CYP7B1: variants seen among roughly 807,000 people sequenced by gnomAD.
CYP7B1 encodes the protein cytochrome P450 family 7 subfamily B member 1.
Under a neutral mutation model 42.7 loss-of-function variants are expected in CYP7B1, and 29 were observed. The ratio of observed to expected loss-of-function variants is 0.68; its 90% CI spans 0.51 to 0.93. CYP7B1 has a LOEUF of 0.93. CYP7B1 is among the 40% of genes least tolerant of loss of function. The pLI, the probability that CYP7B1 is intolerant of heterozygous loss-of-function variation, is 0.00. For synonymous variants in CYP7B1, 235 were observed against 218.2 expected, an observed-to-expected ratio of 1.08 and a Z score of -0.68; for missense variants, 655 against 600.5, an observed-to-expected ratio of 1.09 and a Z score of -0.95.
chr8:64,762,888 G>T (rs1283617041), intron 1 of CYP7B1, among the ~76,000 whole-genome samples: 1 of 152,186 alleles, frequency 6.6e-6, no homozygotes, highest in Non-Finnish European at 1.5e-5. Flanking sequence ...CTAATCAGTA[G>T]ATAAATAGGT....
chr8:64,720,229 TAAAA>T (rs1347559992), intron 1 of CYP7B1, among the ~76,000 whole-genome samples: 1 of 152,034 alleles, frequency 6.6e-6, no homozygotes, highest in African/African-American at 2.4e-5. Context: ...AAAGCTGAAT[TAAAA>T]AAAGACGATG....
chr8:64,673,281 T>C (rs1285038877), intron 1 of CYP7B1, among the ~76,000 whole-genome samples: 1 of 152,180 alleles, frequency 6.6e-6, no homozygotes, highest in Admixed American at 6.5e-5. Flanking sequence ...CAAATTCCCC[T>C]TGGCCTTCAG....
At chr8:64,720,686 A>G (rs1807222719) in intron 1 of CYP7B1, among the ~76,000 whole-genome samples, 1 of 152,214 alleles carries the variant, frequency 6.6e-6, no homozygotes, top group South Asian at 2.1e-4. Context: ...AAATGTATAT[A>G]CCATGTGCAT....
chr8:64,721,052 C>T (rs1414958692), intron 1 of CYP7B1, among the ~76,000 whole-genome samples: 5 of 150,008 alleles, frequency 3.3e-5, no homozygotes, highest in Non-Finnish European at 5.9e-5. Flanking sequence ...AATCAAACAT[C>T]ATCACAAATG....
At chr8:64,687,449 G>GT (rs1806672687) in intron 1 of CYP7B1, among the ~76,000 whole-genome samples, 2 of 152,090 alleles carry the variant, frequency 1.3e-5, no homozygotes, top group Non-Finnish European at 2.9e-5. Context: ...TGCCAACAGA[G>GT]TTTTTTCTGG....
In CYP7B1 at chr8:64,690,268, T is replaced by A. The variant is rs1806718920; in HGVS notation, c.123-65729A>T. On this transcript the variant is annotated intron_variant, in intron 1 of 5. Coordinates refer to ENST00000310193, the MANE Select transcript of CYP7B1 (RefSeq NM_004820.5). ...AATTACAAAAATTAATCTGGCATGGTGATGCATGCCTGTGGTTCTAGCTAC... is the reference window on the plus strand; with the variant it reads ...AATTACAAAAATTAATCTGGCATGGAGATGCATGCCTGTGGTTCTAGCTAC... Among the ~76,000 whole-genome samples the A allele has an allele frequency of 3.9e-5, 6 of 152,238 alleles. No homozygotes were observed. The South Asian group carries it at 1.2e-3, about 32-fold the overall frequency.
chr8:64,794,394 T>C (rs1804672449), intron 1 of CYP7B1, among the ~76,000 whole-genome samples: 1 of 152,166 alleles, frequency 6.6e-6, no homozygotes, highest in Non-Finnish European at 1.5e-5. Context: ...CTTAGTCAAT[T>C]CAGACTGCTA....
chr8:64,618,990 T>C (rs1805489875), intron 2 of CYP7B1, among the ~76,000 whole-genome samples: 1 of 152,192 alleles, frequency 6.6e-6, no homozygotes, highest in Non-Finnish European at 1.5e-5. Context: ...GAAGAAGATG[T>C]TTTGATTTTC....
downstream of CYP7B1, among the ~76,000 whole-genome samples, chr8:64,588,293 C>A (rs572898683): frequency 4.2e-4 from 64 of 152,264 alleles, no homozygotes; most frequent in African/African-American, 1.5e-3. Context: ...AAACTGCTAA[C>A]CACCCATAAA....
chr8:64,718,866 C>A (rs1807197286), intron 1 of CYP7B1, among the ~76,000 whole-genome samples: 1 of 152,188 alleles, frequency 6.6e-6, no homozygotes, highest in African/African-American at 2.4e-5. Context: ...TCCCAGCATT[C>A]CAGTGGCAAG....
intron 1 of CYP7B1, among the ~76,000 whole-genome samples, chr8:64,744,171 A>G (rs577010612): frequency 7.2e-5 from 11 of 152,334 alleles, no homozygotes; most frequent in African/African-American, 2.6e-4. Context: ...AATATAGTCA[A>G]CTGAGTGTTA....
At chr8:64,715,657 G>A (rs1439166222) in intron 1 of CYP7B1, among the ~76,000 whole-genome samples, 2 of 146,968 alleles carry the variant, frequency 1.4e-5, no homozygotes, top group African/African-American at 5.3e-5. Flanking sequence ...ACTGGCAACA[G>A]AGGGAAAATG....
At chr8:64,714,586 G>A (rs1807126412) in intron 1 of CYP7B1, among the ~76,000 whole-genome samples, 1 of 152,140 alleles carries the variant, frequency 6.6e-6, no homozygotes, top group South Asian at 2.1e-4. Context: ...CTTGTCCTTT[G>A]TCACATATGT....
At chr8:64,732,080 G>A (rs1295993740) in intron 1 of CYP7B1, among the ~76,000 whole-genome samples, 1 of 152,220 alleles carries the variant, frequency 6.6e-6, no homozygotes, top group African/African-American at 2.4e-5. Context: ...CACACACAGA[G>A]TCTCCACTGG....
At chr8:64,669,502 C>T (rs1475109506) in intron 1 of CYP7B1, among the ~76,000 whole-genome samples, 1 of 152,026 alleles carries the variant, frequency 6.6e-6, no homozygotes, top group Admixed American at 6.6e-5. Flanking sequence ...TCTTTATCAA[C>T]TAAACTTTTT....
chr8:64,632,404 T>C (rs1805709909), intron 1 of CYP7B1, among the ~76,000 whole-genome samples: 1 of 152,072 alleles, frequency 6.6e-6, no homozygotes, highest in South Asian at 2.1e-4. Flanking sequence ...TTGTTGTTAC[T>C]AGGGGCTGGG....
At chr8:64,778,204 TAC>T (rs1223049465) in intron 1 of CYP7B1, among the ~76,000 whole-genome samples, 1 of 146,952 alleles carries the variant, frequency 6.8e-6, no homozygotes, top group Admixed American at 6.8e-5. Flanking sequence ...TATATATGTA[TAC>T]ACACATATAT....
intron 1 of CYP7B1, among the ~76,000 whole-genome samples, chr8:64,685,580 G>A (rs1276691531): frequency 6.4e-5 from 2 of 31,068 alleles, no homozygotes; most frequent in African/African-American, 1.1e-4. Context: ...GGTGAGGAGC[G>A]TCTCTGCCCG....
At chr8:64,640,931 G>A (rs184997903) in intron 1 of CYP7B1, among the ~76,000 whole-genome samples, 147 of 152,180 alleles carry the variant, frequency 9.7e-4, no homozygotes, top group Non-Finnish European at 1.9e-3. Flanking sequence ...CTCCCATAGG[G>A]CAACTTCTAT....
Sources: allele counts gnomAD v4.1 joint callset (sites outside exome capture counted in the v4.1 genomes callset), GRCh38; gene constraint gnomAD v4.1.1; transcripts MANE v1.5; gene names NCBI Gene and HGNC (gene_info 2026-07-23, HGNC 2026-07-21).